The following NALF1 variants were observed in gnomAD, a reference collection of about 807,000 sequenced individuals.
NALF1 encodes NALCN channel auxiliary factor 1.
Under a neutral mutation model 48.4 loss-of-function variants are expected in NALF1, and 3 were observed. That is an observed-to-expected ratio of 0.06 (90% CI 0.03 to 0.16). NALF1 has a LOEUF of 0.16. Ranked by LOEUF, NALF1 falls within the 10% of genes least tolerant of loss-of-function variation. The pLI, the probability that NALF1 is intolerant of heterozygous loss-of-function variation, is 1.00. For missense variants in NALF1, 526 were observed against 571.5 expected, an observed-to-expected ratio of 0.92 and a Z score of 0.81; for synonymous variants, 262 against 245.7, an observed-to-expected ratio of 1.07 and a Z score of -0.62.
chr13:107,497,173 G>T (rs758982223), intron 1 of NALF1, among the ~76,000 whole-genome samples: 25 of 152,024 alleles, frequency 1.6e-4, no homozygotes, highest in Non-Finnish European at 3.4e-4. Context: ...CCAATAAAAG[G>T]TTTAACAAGA....
intron 1 of NALF1, among the ~76,000 whole-genome samples, chr13:107,626,454 G>C (rs1879676183): frequency 6.6e-6 from 1 of 152,032 alleles, no homozygotes; most frequent in Non-Finnish European, 1.5e-5. Context: ...AGATAAAAGA[G>C]ATACCTGCAC....
chr13:107,779,344 G>A (rs1877822350), intron 1 of NALF1, among the ~76,000 whole-genome samples: 1 of 152,198 alleles, frequency 6.6e-6, no homozygotes, highest in Non-Finnish European at 1.5e-5. Flanking sequence ...CATGTGGAAA[G>A]GCATTATCAC....
chr13:107,381,303 C>T (rs993635022), intron 1 of NALF1, among the ~76,000 whole-genome samples: 5 of 150,956 alleles, frequency 3.3e-5, no homozygotes, highest in Admixed American at 2.0e-4. Context: ...TTGGCTCAAG[C>T]GATCCTGCAG....
At chr13:107,420,572 AACAGGATGACTCC>A (rs1594053686) in intron 1 of NALF1, among the ~76,000 whole-genome samples, 3 of 152,178 alleles carry the variant, frequency 2.0e-5, no homozygotes, top group African/African-American at 7.2e-5. Context: ...AGTCACTTAG[AACAGGATGACTCC>A]ACATATGCCT....
intron 1 of NALF1, among the ~76,000 whole-genome samples, chr13:107,470,873 G>A (rs771874716): frequency 1.1e-4 from 17 of 152,004 alleles, no homozygotes; most frequent in East Asian, 7.7e-4. Flanking sequence ...AACTACGATC[G>A]TTAATAATTT....
intron 1 of NALF1, among the ~76,000 whole-genome samples, chr13:107,680,948 A>AGTGT (rs140128926): frequency 0.42 from 54,086 of 129,742 alleles, 10,371 homozygotes; most frequent in Non-Finnish European, 0.49. Flanking sequence ...TGAGTGTAAC[A>AGTGT]GTGTGTGTGT....
At chr13:107,428,405 T>C (rs980192859) in intron 1 of NALF1, among the ~76,000 whole-genome samples, 13 of 152,206 alleles carry the variant, frequency 8.5e-5, no homozygotes, top group Admixed American at 2.6e-4. Flanking sequence ...GCCTTCTGTA[T>C]GGGAAATCAG....
chr13:107,858,474 C>T (rs1428288046), intron 1 of NALF1, among the ~76,000 whole-genome samples: 1 of 152,064 alleles, frequency 6.6e-6, no homozygotes, highest in Non-Finnish European at 1.5e-5. Flanking sequence ...GAGCATCACC[C>T]GAGGTGGAGA....
intron 1 of NALF1, among the ~76,000 whole-genome samples, chr13:107,655,044 A>T (rs1880540795): frequency 6.6e-6 from 1 of 152,168 alleles, no homozygotes; most frequent in South Asian, 2.1e-4. Context: ...CCAACATTAT[A>T]CTGAATGGGG....
At chr13:107,597,014 AT>A (rs1878774106) in intron 1 of NALF1, among the ~76,000 whole-genome samples, 1 of 152,092 alleles carries the variant, frequency 6.6e-6, no homozygotes, top group Non-Finnish European at 1.5e-5. Context: ...ATGCAACTCT[AT>A]TTCCCCTGCT....
Position 107,774,498 on chromosome 13 carries a change from C to G in NALF1, c.915+91184G>C, listed in dbSNP as rs7318230. On this transcript the variant is annotated intron_variant, in intron 1 of 2. Transcript: ENST00000375915. ...CGTTATCTTTTCCTGGCTACATTAA[C>G]TATGTTGGCCAAATTAAAACCTCTC... Among the ~76,000 whole-genome samples the G allele has an allele frequency of 2.5e-3, 377 of 152,272 alleles. 4 individuals carry two copies. Among genetic ancestry groups the G allele is most frequent in the African/African-American group, 8.5e-3 (355 of 41,554 alleles).
rs551855905 is a variant in NALF1, at chr13:107,339,554, C to T, written c.916-128799G>A. ...CCACTCTCAGAGGAGTCCGGGACTCCCCAGAGCTGTTGTACAAAAACCATA... is the reference window on the plus strand; with the variant it reads ...CCACTCTCAGAGGAGTCCGGGACTCTCCAGAGCTGTTGTACAAAAACCATA... On this transcript the variant is annotated intron_variant, in intron 1 of 2. Coordinates refer to ENST00000375915, the MANE Select transcript of NALF1 (RefSeq NM_001080396.3). 1.2e-4 allele frequency among the ~76,000 whole-genome samples: 19 copies of T among 152,152 alleles called. No individual in the cohort carries two copies. In the East Asian group the frequency reaches 3.7e-3, roughly 29 times the overall value.
At chr13:107,424,389 C>T in intron 1 of NALF1, among the ~76,000 whole-genome samples, 1 of 152,152 alleles carries the variant, frequency 6.6e-6, no homozygotes, top group Non-Finnish European at 1.5e-5. Flanking sequence ...CCGCCCCACT[C>T]AGCCTACTAA....
intron 1 of NALF1, among the ~76,000 whole-genome samples, chr13:107,770,514 C>G (rs1336101644): frequency 2.6e-5 from 4 of 152,180 alleles, no homozygotes; most frequent in Non-Finnish European, 4.4e-5. Context: ...AGGAAAAATA[C>G]AGTTCATAAG....
chr13:107,553,222 A>G (rs1349205687), intron 1 of NALF1, among the ~76,000 whole-genome samples: 1 of 152,204 alleles, frequency 6.6e-6, no homozygotes, highest in Non-Finnish European at 1.5e-5. Flanking sequence ...ATCTTTTCAT[A>G]AAACTGGTTT....
intron 1 of NALF1, among the ~76,000 whole-genome samples, chr13:107,257,540 A>AG (rs1730076892): frequency 6.4e-3 from 1 of 156 alleles, no homozygotes; most frequent in African/African-American, 0.02. Context: ...CTCTAGAAGA[A>AG]ACTCTGGGAT....
rs192201435 is a variant in NALF1, at chr13:107,305,359, A to C, written c.916-94604T>G. ...GTTGTTTTGGTAATTAAAATGCTGA[A>C]GTTAAAAATGCTGATTGCTTACGCA... On this transcript the variant is annotated intron_variant, in intron 1 of 2. Coordinates refer to ENST00000375915, the MANE Select transcript of NALF1 (RefSeq NM_001080396.3). Among the ~76,000 whole-genome samples, 539 of 152,382 alleles carry C rather than the reference A, an allele frequency of 3.5e-3. 2 individuals are homozygous for C. The highest frequency in any genetic ancestry group is 0.014 in the Middle Eastern group (4 of 294).
At chr13:107,679,385 A>G (rs543493976) in intron 1 of NALF1, among the ~76,000 whole-genome samples, 2 of 152,320 alleles carry the variant, frequency 1.3e-5, no homozygotes, top group Non-Finnish European at 2.9e-5. Context: ...CTTAGCATAT[A>G]ATAGTTGCTC....
At chr13:107,750,481 G>A (rs987257026) in intron 1 of NALF1, among the ~76,000 whole-genome samples, 53 of 151,880 alleles carry the variant, frequency 3.5e-4, no homozygotes, top group African/African-American at 1.3e-3. Context: ...GTTTTGGAAT[G>A]AAAGTGAATC....
Sources: allele counts gnomAD v4.1 joint callset (sites outside exome capture counted in the v4.1 genomes callset), GRCh38; gene constraint gnomAD v4.1.1; transcripts MANE v1.5; gene names NCBI Gene and HGNC (gene_info 2026-07-23, HGNC 2026-07-21).